ADAM18: variants seen among roughly 807,000 people sequenced by gnomAD.
The protein encoded by ADAM18 is disintegrin and metalloproteinase domain-containing protein 18.
ADAM18 carries 117 observed loss-of-function variants against 94.4 expected under a neutral mutation model. The ratio of observed to expected loss-of-function variants is 1.24; its 90% CI spans 1.07 to 1.45. ADAM18 has a LOEUF of 1.45. Ranked by LOEUF, ADAM18 falls within the 40% of genes most tolerant of loss-of-function variation. The pLI, the probability that ADAM18 is intolerant of heterozygous loss-of-function variation, is 0.00. For missense variants in ADAM18, 936 were observed against 880.0 expected (o/e 1.06, Z -0.81); for synonymous variants, 327 against 291.6 (o/e 1.12, Z -1.24).
chr8:39,672,642 G>A (rs1821185869), intron 14 of ADAM18, among the ~76,000 whole-genome samples: 1 of 152,172 alleles, frequency 6.6e-6, no homozygotes, highest in Non-Finnish European at 1.5e-5. Flanking sequence ...AATTTTCAGA[G>A]CCAGAACTCA....
At chr8:39,715,273 C>T (rs772972243) in intron 18 of ADAM18, among the ~76,000 whole-genome samples, 3 of 151,830 alleles carry the variant, frequency 2.0e-5, no homozygotes, top group Non-Finnish European at 4.4e-5. Context: ...TAATTTTGAA[C>T]TAAATAAAAA....
intron 17 of ADAM18, among the ~76,000 whole-genome samples, chr8:39,693,682 A>T (rs73609912): frequency 2.0e-5 from 3 of 151,140 alleles, no homozygotes; most frequent in African/African-American, 7.3e-5. Context: ...TCTACTTTTT[A>T]GATTTTTTTG....
chr8:39,702,971 T>C (rs1249342087), intron 17 of ADAM18, among the ~76,000 whole-genome samples: 1 of 152,202 alleles, frequency 6.6e-6, no homozygotes, highest in Non-Finnish European at 1.5e-5. Context: ...TTTGGACTCT[T>C]TTTTGCTTCC....
At chr8:39,584,747 T>G in intron 1 of ADAM18, 70 bp downstream of exon 1, 1 of 1,546,860 alleles carries the variant, frequency 6.5e-7, no homozygotes, top group South Asian at 1.1e-5. Context: ...TGGGAGCAGT[T>G]TCTTGTCATT....
chr8:39,724,140 C>A (rs1196848282), intron 19 of ADAM18, among the ~76,000 whole-genome samples: 1 of 151,682 alleles, frequency 6.6e-6, no homozygotes, highest in Non-Finnish European at 1.5e-5. Flanking sequence ...GTACCAAAGA[C>A]TTACTAGGTC....
chr8:39,620,874 G>T (rs1185544851), intron 6 of ADAM18, among the ~76,000 whole-genome samples: 1 of 151,708 alleles, frequency 6.6e-6, no homozygotes, highest in Non-Finnish European at 1.5e-5. Flanking sequence ...GGGTGAGGAG[G>T]TGAGAGGGGT....
chr8:39,699,332 A>C (rs894083936), intron 17 of ADAM18, among the ~76,000 whole-genome samples: 4 of 152,096 alleles, frequency 2.6e-5, no homozygotes, highest in African/African-American at 7.2e-5. Context: ...CTTGCTAAAA[A>C]ATTTAGGAAG....
rs1474693878 is a variant in ADAM18, at chr8:39,648,353, T to G, written c.1056T>G (p.Ser352Arg). Residue 352 changes from serine to arginine, a missense_variant, in exon 12 of 20, where the codon AGT becomes AGG. Ser to Arg is a moderately radical substitution (Grantham distance 110). Transcript: ENST00000265707. The stretch of plus-strand genomic sequence containing the variant: ...TATTATTTTATTTTAGGAGTGCCAG[T>G]GGTAGAAAGATTTTTAGCAACTGCA... ...CIMNHEAVSASGRKIFSNCSM... is the reference protein window; with the variant it reads ...CIMNHEAVSARGRKIFSNCSM... The G allele has an allele frequency of 1.3e-6, 2 of 1,590,180 alleles. No individual in the cohort carries two copies. Among genetic ancestry groups the G allele is most frequent in the African/African-American group, 2.7e-5 (2 of 73,802 alleles).
chr8:39,643,523 A>G (rs7009101), intron 10 of ADAM18, among the ~76,000 whole-genome samples: 5 of 152,224 alleles, frequency 3.3e-5, no homozygotes, highest in African/African-American at 1.2e-4. Context: ...CAGGGCTGCC[A>G]TAACAAAATA....
chr8:39,669,386 C>T (rs931568343), intron 14 of ADAM18, among the ~76,000 whole-genome samples: 1 of 150,456 alleles, frequency 6.6e-6, no homozygotes, highest in Non-Finnish European at 1.5e-5. Context: ...TATATGTATA[C>T]ATGTGCCATG....
intron 12 of ADAM18, among the ~76,000 whole-genome samples, chr8:39,660,537 A>G (rs2129579979): frequency 6.6e-6 from 1 of 152,334 alleles, no homozygotes; most frequent in South Asian, 2.1e-4. Flanking sequence ...TAATTCATCA[A>G]GAATACATAA....
At chr8:39,676,608 G>A (rs1294942462) in intron 14 of ADAM18, among the ~76,000 whole-genome samples, 2 of 152,204 alleles carry the variant, frequency 1.3e-5, no homozygotes, top group African/African-American at 4.8e-5. Flanking sequence ...CTTGGGCAGG[G>A]GCAACGCCCC....
chr8:39,589,666 A>T (rs933662898), intron 2 of ADAM18, among the ~76,000 whole-genome samples: 1 of 151,652 alleles, frequency 6.6e-6, no homozygotes, highest in Non-Finnish European at 1.5e-5. Flanking sequence ...GTATATATTT[A>T]TTATTAATAT....
intron 7 of ADAM18, among the ~76,000 whole-genome samples, chr8:39,634,870 G>C (rs990372408): frequency 6.6e-6 from 1 of 152,154 alleles, no homozygotes; most frequent in Admixed American, 6.5e-5. Flanking sequence ...ATTTGGATGG[G>C]ATGAAGGTAT....
At chr8:39,664,902 C>T (rs1820950820) in intron 13 of ADAM18, among the ~76,000 whole-genome samples, 1 of 151,392 alleles carries the variant, frequency 6.6e-6, no homozygotes, top group South Asian at 2.1e-4. Context: ...GGTAAATCAC[C>T]TCTATGTAAA....
chr8:39,633,014 G>A (rs1819975784), intron 7 of ADAM18, among the ~76,000 whole-genome samples: 1 of 152,132 alleles, frequency 6.6e-6, no homozygotes, highest in Admixed American at 6.5e-5. Context: ...ATGGGATTAA[G>A]TCTCTTATAA....
At chr8:39,611,384 T>A (rs1819267198) in intron 6 of ADAM18, 1 of 958,476 alleles carries the variant, frequency 1.0e-6, no homozygotes, top group African/African-American at 1.8e-5. Flanking sequence ...GGTCTGTAAA[T>A]GGATGTGTTT....
chr8:39,701,684 A>G (rs1209035774), intron 17 of ADAM18, among the ~76,000 whole-genome samples: 1 of 151,844 alleles, frequency 6.6e-6, no homozygotes, highest in Non-Finnish European at 1.5e-5. Context: ...GTTCCCCTCT[A>G]TGTGTCCATG....
At chr8:39,672,882 A>T (rs1821194144) in intron 14 of ADAM18, among the ~76,000 whole-genome samples, 1 of 152,198 alleles carries the variant, frequency 6.6e-6, no homozygotes, top group Non-Finnish European at 1.5e-5. Flanking sequence ...GGACTTAGAG[A>T]CACCAGGAGT....
Sources: allele counts gnomAD v4.1 joint callset (sites outside exome capture counted in the v4.1 genomes callset), GRCh38; gene constraint gnomAD v4.1.1; transcripts MANE v1.5; gene names NCBI Gene and HGNC (gene_info 2026-07-23, HGNC 2026-07-21).